RNLS: variants seen among roughly 807,000 people sequenced by gnomAD.
RNLS encodes the protein renalase.
In RNLS, 39 loss-of-function variants were observed where a neutral mutation model predicts 39.8. That is an observed-to-expected ratio of 0.98 (90% CI 0.76 to 1.28). The LOEUF is 1.28. Among genes scored for constraint, RNLS ranks in the 50% most tolerant of loss-of-function variants. RNLS has a pLI of 0.00. For synonymous variants in RNLS, 147 were observed against 150.7 expected (o/e 0.98, Z 0.18); for missense variants, 410 against 413.3 (o/e 0.99, Z 0.07).
chr10:88,348,962 C>G (rs701892), intron 5 of RNLS, among the ~76,000 whole-genome samples: 1 of 151,916 alleles, frequency 6.6e-6, no homozygotes, highest in Admixed American at 6.6e-5. Flanking sequence ...CTGCAAATTA[C>G]GAGTGCAACA....
intron 4 of RNLS, among the ~76,000 whole-genome samples, chr10:88,429,110 G>A (rs1000669255): frequency 2.6e-5 from 4 of 151,912 alleles, no homozygotes; most frequent in Non-Finnish European, 5.9e-5. Flanking sequence ...TCTGTAAAGA[G>A]AGGCAAAGTG....
At chr10:88,431,376 G>C (rs535850129) in intron 4 of RNLS, among the ~76,000 whole-genome samples, 6 of 151,614 alleles carry the variant, frequency 4.0e-5, no homozygotes, top group Admixed American at 4.0e-4. Flanking sequence ...TTCATGATCA[G>C]TCTGGCTAGA....
intron 5 of RNLS, among the ~76,000 whole-genome samples, chr10:88,360,822 A>G (rs1283220385): frequency 6.6e-6 from 1 of 152,182 alleles, no homozygotes; most frequent in Admixed American, 6.5e-5. Context: ...TGAGGATGTC[A>G]GTATTGGGAG....
chr10:88,341,713 G>A (rs536599283), intron 5 of RNLS, among the ~76,000 whole-genome samples: 7 of 152,054 alleles, frequency 4.6e-5, no homozygotes, highest in African/African-American at 7.2e-5. Flanking sequence ...ACAGCCTGAG[G>A]GAAGCATGAG....
At chr10:88,478,304 A>G (rs2134006198) in intron 4 of RNLS, among the ~76,000 whole-genome samples, 1 of 152,248 alleles carries the variant, frequency 6.6e-6, no homozygotes, top group South Asian at 2.1e-4. Context: ...CCTTCTATCC[A>G]GTTAGTATCT....
At chr10:88,383,339 T>C (rs1414658065) in intron 4 of RNLS, among the ~76,000 whole-genome samples, 1 of 152,126 alleles carries the variant, frequency 6.6e-6, no homozygotes, top group Non-Finnish European at 1.5e-5. Flanking sequence ...CTACAGACTG[T>C]TAATGTTTCT....
chr10:88,196,303 C>G, the RNLS span, among the ~76,000 whole-genome samples: 1 of 152,162 alleles, frequency 6.6e-6, no homozygotes, highest in African/African-American at 2.4e-5. Context: ...TAGGCAAAGC[C>G]CTTTCTGGCA....
chr10:88,504,134 A>G (rs140908908), intron 4 of RNLS, among the ~76,000 whole-genome samples: 1 of 152,246 alleles, frequency 6.6e-6, no homozygotes, highest in African/African-American at 2.4e-5. Context: ...CCATAGCTTC[A>G]TTTCAAACTC....
At chr10:88,553,516 A>G (rs1564894350) in intron 4 of RNLS, among the ~76,000 whole-genome samples, 1 of 152,180 alleles carries the variant, frequency 6.6e-6, no homozygotes, top group East Asian at 1.9e-4. Context: ...CAATCTTAAG[A>G]ATCTAATGGT....
At chr10:88,521,511 G>C (rs1243069920) in intron 4 of RNLS, among the ~76,000 whole-genome samples, 1 of 151,982 alleles carries the variant, frequency 6.6e-6, no homozygotes, top group African/African-American at 2.4e-5. Context: ...CACTAAGGCA[G>C]GTGATAATTA....
chr10:88,439,044 A>G (rs17426488), intron 4 of RNLS, among the ~76,000 whole-genome samples: 25,462 of 152,164 alleles, frequency 0.17, 2,856 homozygotes, highest in Non-Finnish European at 0.26. Flanking sequence ...ACACAGGTCA[A>G]TCCAACATAT....
chr10:88,385,449 C>A (rs899196878), intron 4 of RNLS, among the ~76,000 whole-genome samples: 1 of 152,202 alleles, frequency 6.6e-6, no homozygotes, highest in Non-Finnish European at 1.5e-5. Context: ...ATTTATTAAA[C>A]CCGGCAGCCT....
intron 4 of RNLS, among the ~76,000 whole-genome samples, chr10:88,503,024 C>T (rs970092603): frequency 2.0e-5 from 3 of 152,200 alleles, no homozygotes; most frequent in Non-Finnish European, 2.9e-5. Flanking sequence ...CCAATCAATC[C>T]GTAGCCAATC....
chr10:88,297,844 T>C (rs1667041848), intron 6 of RNLS, among the ~76,000 whole-genome samples: 1 of 152,204 alleles, frequency 6.6e-6, no homozygotes. Flanking sequence ...CTTTTGATTA[T>C]ACATCTAGGA....
At chr10:88,227,250 A>G in the RNLS span, among the ~76,000 whole-genome samples, 1 of 152,236 alleles carries the variant, frequency 6.6e-6, no homozygotes, top group Non-Finnish European at 1.5e-5. Flanking sequence ...AGATACAGCA[A>G]TGGCTTAGGG....
chr10:88,266,395 G>A, the RNLS span, among the ~76,000 whole-genome samples: 1 of 152,260 alleles, frequency 6.6e-6, no homozygotes, highest in Admixed American at 6.5e-5. Flanking sequence ...TCACTGGGGA[G>A]GCTGCTCCTA....
At chr10:88,317,030 A>T (rs1845813876) in intron 5 of RNLS, among the ~76,000 whole-genome samples, 1 of 152,228 alleles carries the variant, frequency 6.6e-6, no homozygotes, top group Non-Finnish European at 1.5e-5. Flanking sequence ...AATTCAGCAT[A>T]ATCATTATTC....
At chr10:88,352,133 T>A (rs941791441) in intron 5 of RNLS, among the ~76,000 whole-genome samples, 1 of 152,244 alleles carries the variant, frequency 6.6e-6, no homozygotes, top group Non-Finnish European at 1.5e-5. Flanking sequence ...TATACAGTCA[T>A]GTCATCTGCA....
chr10:88,469,589 G>C (rs1468563922), intron 4 of RNLS, among the ~76,000 whole-genome samples: 3 of 152,120 alleles, frequency 2.0e-5, no homozygotes, highest in African/African-American at 7.2e-5. Context: ...GTTTATTGCA[G>C]GACTTCTTTG....
Sources: gnomAD v4.1 joint callset for allele counts (sites outside exome capture counted in the v4.1 genomes callset) on GRCh38, gnomAD v4.1.1 for gene constraint, MANE v1.5 for transcripts, NCBI Gene and HGNC (gene_info 2026-07-23, HGNC 2026-07-21) for gene names.